Variants in COL4A2 observed in about 807,000 individuals in gnomAD.
COL4A2 encodes collagen type IV alpha 2 chain.
A neutral mutation model predicts 200.2 loss-of-function variants in COL4A2; 99 were observed. The ratio of observed to expected loss-of-function variants is 0.49; its 90% CI spans 0.42 to 0.58. The LOEUF is 0.58. Ranked by LOEUF, COL4A2 falls within the 20% of genes least tolerant of loss-of-function variation. The pLI is 0.00. For missense variants in COL4A2, 1,950 were observed against 2,314.1 expected, an observed-to-expected ratio of 0.84 and a Z score of 3.23; for synonymous variants, 897 against 900.6, an observed-to-expected ratio of 1.00 and a Z score of 0.07.
intron 19 of COL4A2, among the ~76,000 whole-genome samples, chr13:110,450,082 A>G (rs1322782898): frequency 2.0e-5 from 3 of 152,200 alleles, no homozygotes; most frequent in Non-Finnish European, 2.9e-5. Flanking sequence ...GTTGTTGCCC[A>G]GTGTTGATCA....
chr13:110,494,143 T>G (rs539253674), intron 39 of COL4A2, among the ~76,000 whole-genome samples: 1 of 152,328 alleles, frequency 6.6e-6, no homozygotes, highest in East Asian at 1.9e-4. Context: ...AGCACACATT[T>G]TTCCCTGAAT....
intron 16 of COL4A2, among the ~76,000 whole-genome samples, chr13:110,445,374 A>G (rs1048488585): frequency 6.6e-6 from 1 of 152,208 alleles, no homozygotes; most frequent in African/African-American, 2.4e-5. Context: ...TCCCTGCTGA[A>G]AAGGGGAACC....
At position 110,432,374 on chromosome 13, in the gene COL4A2, G is replaced by T; in HGVS notation, c.684+14G>T. The T allele has an allele frequency of 6.2e-7, 1 of 1,602,938 alleles. No homozygotes were observed. Among genetic ancestry groups the T allele is most frequent in the Non-Finnish European group, 8.5e-7 (1 of 1,174,886 alleles). On this transcript the variant is annotated intron_variant, in intron 11 of 47. Transcript: ENST00000360467. ...AAAGGACAGCAAGTAAGTTGGTTTTGGGGGGTGAGGATGAGGGAAGGGGGT... is the reference window on the plus strand; with the variant it reads ...AAAGGACAGCAAGTAAGTTGGTTTTTGGGGGTGAGGATGAGGGAAGGGGGT...
At chr13:110,427,089 TATC>T (rs1375870580) in intron 6 of COL4A2, among the ~76,000 whole-genome samples, 2 of 152,224 alleles carry the variant, frequency 1.3e-5, no homozygotes, top group African/African-American at 4.8e-5. Flanking sequence ...TATTTCTTAA[TATC>T]ATTCAGGTTA....
At chr13:110,308,874 T>C (rs1363910876) in intron 3 of COL4A2, among the ~76,000 whole-genome samples, 1 of 152,208 alleles carries the variant, frequency 6.6e-6, no homozygotes, top group African/African-American at 2.4e-5. Context: ...ATGGCTAAAA[T>C]GAAGAGGTTT....
At chr13:110,497,133 A>G (rs1883485938) in intron 40 of COL4A2, among the ~76,000 whole-genome samples, 2 of 151,808 alleles carry the variant, frequency 1.3e-5, no homozygotes, top group Admixed American at 1.3e-4. Flanking sequence ...ACAGTCTACC[A>G]GCATAACCTC....
intron 4 of COL4A2, among the ~76,000 whole-genome samples, chr13:110,379,399 C>T (rs1213405426): frequency 1.3e-5 from 2 of 152,232 alleles, no homozygotes; most frequent in African/African-American, 2.4e-5. Flanking sequence ...CTGCAAAATT[C>T]CTTGGCATGA....
chr13:110,350,971 C>T (rs1594162903), intron 3 of COL4A2, among the ~76,000 whole-genome samples: 1 of 152,198 alleles, frequency 6.6e-6, no homozygotes, highest in Admixed American at 6.5e-5. Context: ...GGTACAACTT[C>T]CAGGTAAATC....
At position 110,446,815 on chromosome 13, in the gene COL4A2, AGGGCCCCCT is replaced by A; in HGVS notation, c.1032_1040del (p.Pro345_Gly347del). 6.2e-7 allele frequency: 1 copy of A among 1,612,366 alleles called. No homozygotes were observed. Among genetic ancestry groups the A allele is most frequent in the African/African-American group, 1.3e-5 (1 of 75,010 alleles). On this transcript the variant is annotated inframe_deletion, in exon 18 of 48. Transcript: ENST00000360467. ...TTCTCTAGGGAGAAGCCGGAGACCC[AGGGCCCCCT>A]GGACTACCTGCCTACTCCCCTCACC...
In COL4A2 at chr13:110,509,270, T is replaced by TATACACACACACACACAC. The variant is rs1435137108; in HGVS notation, c.4881+1050_4881+1051insTACACACACACACACACA. Among the ~76,000 whole-genome samples the TATACACACACACACACAC allele has an allele frequency of 4.6e-3, 528 of 115,524 alleles. 4 individuals carry two copies. The highest frequency in any genetic ancestry group is 0.018 in the African/African-American group (514 of 28,692). The allele number at this position is 115,524 out of a possible 152,430, so 75.8% of individuals were successfully genotyped here. On this transcript the variant is annotated intron_variant, in intron 47 of 47. Transcript: ENST00000360467. ...TTATATATATATATATATATATATA[T>TATACACACACACACACAC]ACACACACACACACACACACACACA... is the stretch of plus-strand genomic sequence containing the variant.
rs114482753 is a variant in COL4A2, at chr13:110,438,644, A to G, written c.888A>G (p.Gly296=). 2,681 of 1,614,182 alleles carry G rather than the reference A, an allele frequency of 1.7e-3. 24 individuals are homozygous for G. In the African/African-American group the frequency reaches 0.023, roughly 14 times the overall value. The change falls in exon 15 of 48, where the codon GGA becomes GGG. Residue 296 remains glycine, a synonymous_variant. Transcript: ENST00000360467. ...IRGISLKGEE[G]IMGFPGLRGY... ...GCATTTCCTTGAAGGGAGAAGAAGG[A>G]ATCATGGGCTTTCCTGGACTGAGGG...
At chr13:110,455,375 C>T (rs1455728376) in intron 20 of COL4A2, among the ~76,000 whole-genome samples, 1 of 152,156 alleles carries the variant, frequency 6.6e-6, no homozygotes, top group Non-Finnish European at 1.5e-5. Flanking sequence ...ACTTCAGGGG[C>T]TCCTTTTTAT....
At chr13:110,482,688 C>A in intron 32 of COL4A2, 29 bp downstream of exon 32, 1 of 1,605,224 alleles carries the variant, frequency 6.2e-7, no homozygotes, top group Non-Finnish European at 8.5e-7. Context: ...ATCCTCCTTA[C>A]CTGGTCATGG....
At chr13:110,352,802 G>T (rs1428216516) in intron 3 of COL4A2, among the ~76,000 whole-genome samples, 2 of 152,202 alleles carry the variant, frequency 1.3e-5, no homozygotes, top group Non-Finnish European at 2.9e-5. Context: ...CAGGCCTTCT[G>T]TAAAACTGGT....
intron 3 of COL4A2, among the ~76,000 whole-genome samples, chr13:110,316,251 TCC>T (rs1885126380): frequency 6.6e-6 from 1 of 152,152 alleles, no homozygotes; most frequent in African/African-American, 2.4e-5. Context: ...TGTTTTTGGA[TCC>T]CTGACTGTGG....
chr13:110,411,096 C>T (rs900870821), intron 4 of COL4A2, among the ~76,000 whole-genome samples: 1 of 152,160 alleles, frequency 6.6e-6, no homozygotes, highest in South Asian at 2.1e-4. Flanking sequence ...CATCTCAGCT[C>T]CTATCTGTGG....
intron 4 of COL4A2, among the ~76,000 whole-genome samples, chr13:110,377,763 TAAAG>T (rs879154096): frequency 6.6e-6 from 1 of 152,208 alleles, no homozygotes; most frequent in South Asian, 2.1e-4. Flanking sequence ...AAAAACATGT[TAAAG>T]AAGGTAAAAT....
rs754832441 is a variant in COL4A2 at position 110,458,187 on chromosome 13, A to T, written c.1433-584A>T. The T allele has an allele frequency of 2.0e-4, 92 of 461,448 alleles. 2 individuals are homozygous for T. The highest frequency in any genetic ancestry group is 1.4e-3 in the South Asian group (89 of 62,804). 28.6% of individuals were successfully genotyped at this position (461,448 alleles called of 1,614,324 possible). ...TGAGAGCAGGCACCGCAGGACCTGG[A>T]GGAAGTGGGGCCTCCCCACTGGGCA... On this transcript the variant is annotated intron_variant, in intron 21 of 47. Transcript: ENST00000360467.
intron 3 of COL4A2, among the ~76,000 whole-genome samples, chr13:110,356,618 G>A (rs1391226995): frequency 6.6e-6 from 1 of 152,224 alleles, no homozygotes; most frequent in Non-Finnish European, 1.5e-5. Context: ...CAGGCAGAAG[G>A]CAGGGCTGCT....
Sources: allele counts gnomAD v4.1 joint callset (sites outside exome capture counted in the v4.1 genomes callset), GRCh38; gene constraint gnomAD v4.1.1; transcripts MANE v1.5; gene names NCBI Gene and HGNC (gene_info 2026-07-23, HGNC 2026-07-21).